KIAA0586: variants seen among roughly 807,000 people sequenced by gnomAD.
KIAA0586 encodes the protein protein TALPID3.
In KIAA0586, 144 loss-of-function variants were observed where a neutral mutation model predicts 169.8. The ratio of observed to expected loss-of-function variants is 0.85; its 90% CI spans 0.74 to 0.97. The LOEUF (loss-of-function observed/expected upper bound fraction) is 0.97, where lower values mean the gene tolerates loss of function less well. KIAA0586 is among the 50% of genes least tolerant of loss of function. The probability of loss-of-function intolerance (pLI) is 0.00; values close to 1 mark genes in which losing one functional copy is unlikely to be tolerated. For missense variants in KIAA0586, 1,854 were observed against 1,823.0 expected, an observed-to-expected ratio of 1.02 and a Z score of -0.31; for synonymous variants, 625 against 612.4, an observed-to-expected ratio of 1.02 and a Z score of -0.30.
At chr14:58,505,425 A>G (rs971783018) in intron 27 of KIAA0586, among the ~76,000 whole-genome samples, 1 of 152,202 alleles carries the variant, frequency 6.6e-6, no homozygotes, top group African/African-American at 2.4e-5. Context: ...ATCCACACAC[A>G]CATCCTACCA....
chr14:58,427,533 A>T, upstream of KIAA0586: 1 of 1,466,388 alleles, frequency 6.8e-7, no homozygotes, highest in Non-Finnish European at 9.2e-7. Flanking sequence ...TGCTACCTTA[A>T]AATAAATAAA....
In KIAA0586 at chr14:58,427,722, G is replaced by C; in HGVS notation, c.-543G>C. On this transcript the variant is annotated 5_prime_UTR_variant, in exon 1 of 31. Coordinates refer to ENST00000652326, the MANE Select transcript of KIAA0586 (RefSeq NM_001329943.3). ...TGTTGACCTGCGGGCAACTGACGCT[G>C]TTGTCAGATTACACCCACGACGGTG... 3 of 1,534,908 alleles carry C rather than the reference G, an allele frequency of 2.0e-6. No homozygotes were observed. The highest frequency in any genetic ancestry group is 2.6e-6 in the Non-Finnish European group (3 of 1,146,804).
intron 19 of KIAA0586, among the ~76,000 whole-genome samples, chr14:58,475,328 C>G (rs1225429760): frequency 6.6e-6 from 1 of 152,136 alleles, no homozygotes; most frequent in Non-Finnish European, 1.5e-5. Context: ...CTATGAGAAT[C>G]TAATGCTTGA....
Position 58,487,037 on chromosome 14 carries a change from C to CA in KIAA0586, c.3176dup (p.Pro1060AlafsTer12). The CA allele has an allele frequency of 6.2e-7, 1 of 1,612,428 alleles. No individual in the cohort carries two copies. The highest frequency in any genetic ancestry group is 8.5e-7 in the Non-Finnish European group (1 of 1,178,954). On this transcript the variant is annotated frameshift_variant, in exon 22 of 31. Coordinates refer to ENST00000652326, the MANE Select transcript of KIAA0586 (RefSeq NM_001329943.3). LOFTEE classifies it high-confidence loss of function. ...AGTGTGCACCCCACTGCCTACCCCA[C>CA]AGCCTACGCCTCCTTGCTCACCTTC...
At chr14:58,540,960 T>A (rs545724002) in intron 30 of KIAA0586, among the ~76,000 whole-genome samples, 2 of 152,330 alleles carry the variant, frequency 1.3e-5, no homozygotes, top group East Asian at 3.9e-4. Context: ...AGCAGGATAG[T>A]TTAGCAGCTG....
chr14:58,489,396 T>C (rs1469685285), intron 24 of KIAA0586, among the ~76,000 whole-genome samples: 1 of 152,002 alleles, frequency 6.6e-6, no homozygotes, highest in Non-Finnish European at 1.5e-5. Context: ...ACTTTTATAT[T>C]TTTTGTAGAG....
In KIAA0586 at chr14:58,536,994, G is replaced by GT. The variant is rs202164236; in HGVS notation, c.4430-3068dup. 3,014 of 1,213,338 alleles carry GT rather than the reference G, an allele frequency of 2.5e-3. 1 individual carries two copies. The highest frequency in any genetic ancestry group is 4.1e-3 in the South Asian group (302 of 74,550). The allele number at this position is 1,213,338 out of a possible 1,614,324, so 75.2% of individuals were successfully genotyped here. ...CTTTTGACTTCAATACCAGTATTAT[G>GT]TTTTTTTTTCAGTTTTGATCAGCAG... On this transcript the variant is annotated intron_variant, in intron 29 of 30. Transcript: ENST00000652326.
In KIAA0586 at chr14:58,432,312, G is replaced by T. The variant is rs186237208; in HGVS notation, c.341-76G>T. The stretch of plus-strand genomic sequence containing the variant: ...CCTAAACATTCTTTTAGTTAAAAAA[G>T]ATTTTTTTAGTAGCTTATTAAAGTT... On this transcript the variant is annotated intron_variant, in intron 3 of 30. Transcript: ENST00000652326. 1,107 of 891,954 alleles carry T rather than the reference G, an allele frequency of 1.2e-3. 2 individuals are homozygous for T. Among genetic ancestry groups the T allele is most frequent in the Non-Finnish European group, 1.7e-3 (1,024 of 587,264 alleles). 55.3% of individuals were successfully genotyped at this position (891,954 alleles called of 1,614,324 possible).
the KIAA0586 span, among the ~76,000 whole-genome samples, chr14:58,558,996 G>A: frequency 1.3e-5 from 2 of 152,190 alleles, no homozygotes; most frequent in Non-Finnish European, 2.9e-5. Flanking sequence ...CTTAGCCTTT[G>A]GATGCGGTCC....
intron 10 of KIAA0586, among the ~76,000 whole-genome samples, chr14:58,457,408 C>G (rs968402038): frequency 4.3e-4 from 65 of 152,254 alleles, no homozygotes; most frequent in African/African-American, 1.5e-3. Context: ...GCTGGGATTA[C>G]AAGGGTGTGC....
intron 24 of KIAA0586, among the ~76,000 whole-genome samples, chr14:58,489,868 ATTATATCAACAG>A (rs765857284): frequency 2.3e-4 from 35 of 152,182 alleles, no homozygotes; most frequent in Middle Eastern, 6.8e-3. Context: ...ATCAGTTTTA[ATTATATCAACAG>A]TATATGAGAA....
chr14:58,554,402 G>C (rs2047232659), downstream of KIAA0586, among the ~76,000 whole-genome samples: 1 of 152,156 alleles, frequency 6.6e-6, no homozygotes, highest in Admixed American at 6.5e-5. Flanking sequence ...ATAAAGGTTT[G>C]AGTGATGCCT....
intron 8 of KIAA0586, among the ~76,000 whole-genome samples, chr14:58,452,787 T>A (rs1566813037): frequency 6.6e-6 from 1 of 152,204 alleles, no homozygotes; most frequent in Non-Finnish European, 1.5e-5. Flanking sequence ...TGCCTTGGCC[T>A]CCCAGAGTGC....
the KIAA0586 span, among the ~76,000 whole-genome samples, chr14:58,558,534 T>A: frequency 6.6e-6 from 1 of 152,202 alleles, no homozygotes; most frequent in Non-Finnish European, 1.5e-5. Context: ...ACTTAGACAT[T>A]GAGAAAAATA....
intron 29 of KIAA0586, among the ~76,000 whole-genome samples, chr14:58,531,956 G>GGTGGGAGTTGAACAATGCTTAACTGATT (rs2045996102): frequency 6.6e-6 from 1 of 151,698 alleles, no homozygotes; most frequent in African/African-American, 2.4e-5. Context: ...AACACCTCAT[G>GGTGGGAGTTGAACAATGCTTAACTGATT]TTCTCACTCA....
the KIAA0586 span, among the ~76,000 whole-genome samples, chr14:58,557,901 C>CTTTTTTTTTT: frequency 7.5e-3 from 320 of 42,510 alleles, 79 homozygotes; most frequent in African/African-American, 9.4e-3. Context: ...CCTGAGAAAT[C>CTTTTTTTTTT]TTTTTTTTTT....
chr14:58,450,484 T>C, intron 7 of KIAA0586, 95 bp from the exon 8 acceptor site: 2 of 687,838 alleles, frequency 2.9e-6, no homozygotes, highest in East Asian at 5.6e-5. Flanking sequence ...TTTATAATTT[T>C]GAATTTATTT....
At chr14:58,451,841 G>A (rs1031585571) in intron 8 of KIAA0586, among the ~76,000 whole-genome samples, 7 of 151,842 alleles carry the variant, frequency 4.6e-5, no homozygotes, top group East Asian at 1.9e-4. Context: ...CCGCCACCAC[G>A]CCTGGCTAAT....
intron 15 of KIAA0586, 72 bp from the exon 16 acceptor site, chr14:58,467,663 T>G: frequency 6.5e-6 from 7 of 1,084,610 alleles, no homozygotes; most frequent in Non-Finnish European, 9.5e-6. Flanking sequence ...GCCATTAAGA[T>G]CCAGATGGTA....
Sources: gnomAD v4.1 joint callset for allele counts (sites outside exome capture counted in the v4.1 genomes callset) on GRCh38, gnomAD v4.1.1 for gene constraint, MANE v1.5 for transcripts, NCBI Gene and HGNC (gene_info 2026-07-23, HGNC 2026-07-21) for gene names.